DNAJB12: variants seen among roughly 807,000 people sequenced by gnomAD.
The protein encoded by DNAJB12 is DnaJ heat shock protein family (Hsp40) member B12.
Under a neutral mutation model 40.6 loss-of-function variants are expected in DNAJB12, and 14 were observed. The observed-to-expected ratio is 0.34, with a 90% CI of 0.23 to 0.54. The LOEUF is 0.54. Ranked by LOEUF, DNAJB12 falls within the 20% of genes least tolerant of loss-of-function variation. The pLI is 0.92. For synonymous variants in DNAJB12, 181 were observed against 199.5 expected (o/e 0.91, Z 0.78); for missense variants, 444 against 501.7 (o/e 0.89, Z 1.10).
intron 3 of DNAJB12, among the ~76,000 whole-genome samples, chr10:72,342,078 AGC>A (rs1430929979): frequency 2.0e-5 from 3 of 152,228 alleles, no homozygotes; most frequent in Non-Finnish European, 4.4e-5. Context: ...TGAACTGGAA[AGC>A]AGCAGGAGCT....
At position 72,335,629 on chromosome 10, in the gene DNAJB12, T is replaced by G; in HGVS notation, c.*30+151A>C. ...TTGGTTTCCCAGCAGGCCCCACAGC[T>G]GCTCGGTCTCTGGAGGCTGGAGGTC... On this transcript the variant is annotated intron_variant, in intron 8 of 8. Coordinates refer to ENST00000444643, the MANE Select transcript of DNAJB12 (RefSeq NM_017626.7). The surrounding 1 kb of genome is among the most constrained non-coding windows in gnomAD (Gnocchi z 4.4). 1 of 1,417,466 alleles carries G rather than the reference T, an allele frequency of 7.1e-7. No homozygotes were observed. The highest frequency in any genetic ancestry group is 1.5e-5 in the South Asian group (1 of 66,430). The allele number at this position is 1,417,466 out of a possible 1,614,324, so 87.8% of individuals were successfully genotyped here.
intron 2 of DNAJB12, among the ~76,000 whole-genome samples, chr10:72,343,736 C>T (rs1438291761): frequency 6.6e-6 from 1 of 151,956 alleles, no homozygotes; most frequent in Non-Finnish European, 1.5e-5. Context: ...AGAAGAACAC[C>T]GTCTGGATTC....
intron 1 of DNAJB12, chr10:72,353,350 T>C (rs1458258314): frequency 6.6e-6 from 1 of 152,220 alleles, no homozygotes; most frequent in Non-Finnish European, 1.5e-5. Flanking sequence ...ACCTCAGGTG[T>C]CCTGGCAAAT....
chr10:72,350,499 C>T (rs1251003278), intron 1 of DNAJB12, among the ~76,000 whole-genome samples: 1 of 150,708 alleles, frequency 6.6e-6, no homozygotes, highest in African/African-American at 2.4e-5. Context: ...TAACTTAGCT[C>T]ATCTGTGCAA....
At chr10:72,350,453 C>T (rs1589133745) in intron 1 of DNAJB12, among the ~76,000 whole-genome samples, 2 of 149,442 alleles carry the variant, frequency 1.3e-5, no homozygotes, top group South Asian at 2.1e-4. Context: ...TCAAACCTAG[C>T]TCTGCCATTT....
chr10:72,354,702 T>G, intron 1 of DNAJB12, 63 bp downstream of exon 1: 6 of 1,201,216 alleles, frequency 5.0e-6, no homozygotes, highest in Non-Finnish European at 6.0e-6. Flanking sequence ...CTCCCGTCGG[T>G]CCGTTCCCGT....
chr10:72,350,260 G>A (rs894073802), intron 1 of DNAJB12, among the ~76,000 whole-genome samples: 2 of 151,992 alleles, frequency 1.3e-5, no homozygotes, highest in African/African-American at 4.8e-5. Flanking sequence ...TTAGCCAGGT[G>A]TGGTGGCACA....
chr10:72,339,283 C>G (rs1274062859), intron 5 of DNAJB12, among the ~76,000 whole-genome samples: 1 of 151,092 alleles, frequency 6.6e-6, no homozygotes, highest in Non-Finnish European at 1.5e-5. Context: ...CGCCTGTAAT[C>G]CCAGCACTTT....
intron 2 of DNAJB12, 91 bp from the exon 3 acceptor site, chr10:72,343,602 G>T: frequency 7.0e-7 from 1 of 1,421,830 alleles, no homozygotes; most frequent in East Asian, 2.3e-5. Flanking sequence ...CACAGCTCTG[G>T]GCAGGCTGCG....
chr10:72,348,186 C>T (rs186918621), intron 1 of DNAJB12, among the ~76,000 whole-genome samples: 40 of 152,340 alleles, frequency 2.6e-4, no homozygotes, highest in African/African-American at 2.4e-5. Flanking sequence ...TGTGCCACTG[C>T]ACTCCAGCCT....
At position 72,333,789 on chromosome 10, in the gene DNAJB12, A is replaced by G. The variant is rs1256688690; in HGVS notation, c.*859T>C. ...CTGCTGAGAGGGGAGAGGTGGTCTC[A>G]CCCAAGCAGGTCCTTGTGGGGCCTC... On this transcript the variant is annotated 3_prime_UTR_variant, in exon 9 of 9. Transcript: ENST00000444643. 6.6e-6 allele frequency: 1 copy of G among 152,556 alleles called. No individual in the cohort carries two copies. Among genetic ancestry groups the G allele is most frequent in the Non-Finnish European group, 1.5e-5 (1 of 68,116 alleles). The allele number at this position is 152,556 out of a possible 1,614,324, so 9.5% of individuals were successfully genotyped here.
rs778173717 is a variant in DNAJB12, at chr10:72,338,227, G to A, written c.808C>T (p.Pro270Ser). The A allele has an allele frequency of 3.1e-6, 5 of 1,614,088 alleles. 1 individual carries two copies. In the South Asian group the frequency reaches 4.4e-5, roughly 14 times the overall value. ...SALSQLMVSS[P>S]PYSLSPRPSV... ...GGTCTTGGACTCAGACTGTAGGGTGGACTGGAGACCATGAGCTGGCTGAGA... is the reference window on the plus strand; with the variant it reads ...GGTCTTGGACTCAGACTGTAGGGTGAACTGGAGACCATGAGCTGGCTGAGA... The change falls in exon 6 of 9, where the codon CCA becomes TCA. Residue 270 changes from proline (P) to serine (S), a missense_variant. By Grantham distance (74) the Pro-to-Ser change is moderately conservative. Transcript: ENST00000444643.
rs909753886 is a variant in DNAJB12 at position 72,334,902 on chromosome 10, T to C, written c.*31-285A>G. 2.9e-5 allele frequency: 36 copies of C among 1,260,102 alleles called. No individual in the cohort carries two copies. The Admixed American group carries it at 1.4e-3, about 50-fold the overall frequency. 78.1% of individuals were successfully genotyped at this position (1,260,102 alleles called of 1,614,324 possible). On this transcript the variant is annotated intron_variant, in intron 8 of 8. Transcript: ENST00000444643. ...GAACCTTCACTGCTTCTGCCCACAC[T>C]TCTCTGGGCTTGGCTGAAGTGGCCA...
Position 72,343,458 on chromosome 10 carries a change from G to A in DNAJB12, c.365C>T (p.Ser122Leu), listed in dbSNP as rs763985453. The A allele has an allele frequency of 3.2e-5, 51 of 1,614,054 alleles. No individual in the cohort carries two copies. Among genetic ancestry groups the A allele is most frequent in the East Asian group, 1.3e-4 (6 of 44,898 alleles). The change falls in exon 3 of 9, where the codon TCG becomes TTG. Residue 122 changes from serine to leucine, a missense_variant. Ser to Leu is a moderately radical substitution (Grantham distance 145). Transcript: ENST00000444643. The stretch of plus-strand genomic sequence containing the variant: ...GTAGGCCTTCTTCAGGTCCTCATCC[G>A]AGGCCCCTCTGCTCACCCCCAGGAT... ...YEILGVSRGA[S>L]DEDLKKAYRR... is the part of the protein sequence containing the mutation.
Position 72,345,142 on chromosome 10 carries a change from G to A in DNAJB12, c.134-15C>T. 2.5e-6 allele frequency: 4 copies of A among 1,589,910 alleles called. No individual in the cohort carries two copies. Among genetic ancestry groups the A allele is most frequent in the Non-Finnish European group, 3.4e-6 (4 of 1,166,964 alleles). Reference sequence around the variant, plus strand: ...CTCAATCAGGGCTGTGCAAGGCAAGGAAACCATTCAGAGCTCCTGCTCAAG... The same window carrying A: ...CTCAATCAGGGCTGTGCAAGGCAAGAAAACCATTCAGAGCTCCTGCTCAAG... On this transcript the variant is annotated splice_polypyrimidine_tract_variant and intron_variant, in intron 1 of 8. Coordinates refer to ENST00000444643, the MANE Select transcript of DNAJB12 (RefSeq NM_017626.7).
rs1192987785 is a variant in DNAJB12 at position 72,345,094 on chromosome 10, G to T, written c.167C>A (p.Thr56Asn). 1.2e-6 allele frequency: 2 copies of T among 1,613,798 alleles called. No individual in the cohort carries two copies. Among genetic ancestry groups the T allele is most frequent in the East Asian group, 4.5e-5 (2 of 44,880 alleles). ...TGTGGGTGGGGGTTGGTCACCGGCA[G>T]TCTGTGGTTTCTGGTTGAGGGACTC... ...LIESLNQKPQ[T>N]AGDQPPPTDT... Residue 56 changes from threonine to asparagine, a missense_variant, in exon 2 of 9, where the codon ACT becomes AAT. Transcript: ENST00000444643.
At chr10:72,337,484 C>T (rs550895021) in intron 6 of DNAJB12, among the ~76,000 whole-genome samples, 6 of 152,346 alleles carry the variant, frequency 3.9e-5, no homozygotes, top group African/African-American at 9.6e-5. Context: ...GACCCCCTAA[C>T]GGCTCATGAA....
Position 72,338,281 on chromosome 10 carries a change from G to A in DNAJB12, c.754C>T (p.Pro252Ser). 6.2e-7 allele frequency: 1 copy of A among 1,614,050 alleles called. No individual in the cohort carries two copies. Among genetic ancestry groups the A allele is most frequent in the Non-Finnish European group, 8.5e-7 (1 of 1,179,984 alleles). ...GGLGVFVQLM[P>S]ILILILVSAL... ...GACACGAGAATCAGGATGAGGATAG[G>A]CATCAGCTGCACAAACACCCCTAGC... Residue 252 changes from proline to serine, a missense_variant, in exon 6 of 9, where the codon CCT (proline) becomes TCT (serine). Transcript: ENST00000444643.
rs1564815871 is a variant in DNAJB12 at position 72,334,159 on chromosome 10, G to GAT, written c.*487_*488dup. On this transcript the variant is annotated 3_prime_UTR_variant, in exon 9 of 9. Transcript: ENST00000444643. ...ATATATGCCTATTTACATATAAATAGATATATATACATATACACGCATCTA... is the reference window on the plus strand; with the variant it reads ...ATATATGCCTATTTACATATAAATAGATATATATATACATATACACGCATCTA... 5.0e-6 allele frequency: 1 copy of GAT among 198,120 alleles called. No individual in the cohort carries two copies. 12.3% of individuals were successfully genotyped at this position (198,120 alleles called of 1,614,324 possible). A position where few individuals can be genotyped will look rare whatever the true frequency, so the allele number is the denominator to read the frequency against.
Sources: allele counts gnomAD v4.1 joint callset (sites outside exome capture counted in the v4.1 genomes callset), GRCh38; gene constraint gnomAD v4.1.1; non-coding constraint Gnocchi (gnomAD v3.1); transcripts MANE v1.5; gene names NCBI Gene and HGNC (gene_info 2026-07-23, HGNC 2026-07-21).